Variants in NEDD4L observed in about 807,000 individuals in gnomAD.
The protein encoded by NEDD4L is E3 ubiquitin-protein ligase NEDD4-like.
Under a neutral mutation model 148.9 loss-of-function variants are expected in NEDD4L, and 54 were observed. The observed-to-expected ratio is 0.36, with a 90% CI of 0.29 to 0.45. The LOEUF (loss-of-function observed/expected upper bound fraction) is 0.45, where lower values mean the gene tolerates loss of function less well. Among genes scored for constraint, NEDD4L ranks in the 20% least tolerant of loss-of-function variants. NEDD4L has a pLI of 1.00. For synonymous variants in NEDD4L, 433 were observed against 440.7 expected, an observed-to-expected ratio of 0.98 and a Z score of 0.22; for missense variants, 856 against 1,233.8, an observed-to-expected ratio of 0.69 and a Z score of 4.59.
At chr18:58,283,477 T>G (rs1388817836) in intron 5 of NEDD4L, among the ~76,000 whole-genome samples, 1 of 152,190 alleles carries the variant, frequency 6.6e-6, no homozygotes, top group Non-Finnish European at 1.5e-5. Context: ...CATTTCAGAT[T>G]GGGAAGTACA....
chr18:58,288,956 A>G (rs1186415245), intron 5 of NEDD4L, among the ~76,000 whole-genome samples: 1 of 152,234 alleles, frequency 6.6e-6, no homozygotes, highest in African/African-American at 2.4e-5. Context: ...TACACAGACA[A>G]AAGGAAAGGC....
intron 5 of NEDD4L, among the ~76,000 whole-genome samples, chr18:58,287,088 C>A (rs1473056200): frequency 6.7e-6 from 1 of 148,796 alleles, no homozygotes; most frequent in Non-Finnish European, 1.5e-5. Flanking sequence ...TAAAGCACTT[C>A]TTTTTCTTTT....
In NEDD4L at chr18:58,082,743, A is replaced by C. The variant is rs1030162760; in HGVS notation, c.48+38035A>C. 2.7e-5 allele frequency among the ~76,000 whole-genome samples: 4 copies of C among 149,976 alleles called. No individual in the cohort carries two copies. In the South Asian group the frequency reaches 8.5e-4, roughly 32 times the overall value. On this transcript the variant is annotated intron_variant, in intron 1 of 30. Transcript: ENST00000400345. ...GTGGAGGTTGCAGTGAGCTGAGATC[A>C]CACCACTGCACTCTGGCCTGGGTGA...
chr18:58,312,037 T>G (rs2057757405), intron 5 of NEDD4L, among the ~76,000 whole-genome samples: 1 of 152,188 alleles, frequency 6.6e-6, no homozygotes, highest in Non-Finnish European at 1.5e-5. Flanking sequence ...TTCATCAGTA[T>G]TTACCGCACA....
At chr18:58,076,447 A>G (rs1244532180) in intron 1 of NEDD4L, among the ~76,000 whole-genome samples, 1 of 152,216 alleles carries the variant, frequency 6.6e-6, no homozygotes, top group Non-Finnish European at 1.5e-5. Flanking sequence ...AAAAACTGAA[A>G]CAAAATTAGG....
At position 58,227,636 on chromosome 18, in the gene NEDD4L, C is replaced by T. The variant is rs1296138580; in HGVS notation, c.123-17791C>T. 5.3e-5 allele frequency among the ~76,000 whole-genome samples: 8 copies of T among 152,136 alleles called. No homozygotes were observed. In the East Asian group the frequency reaches 9.6e-4, roughly 18 times the overall value. ...GTCTGTCCACAAGGGATTAGCCTCG[C>T]GAAGTTCCTACTGTTGTTCATTGAC... On this transcript the variant is annotated intron_variant, in intron 2 of 30. Coordinates refer to ENST00000400345, the MANE Select transcript of NEDD4L (RefSeq NM_001144967.3).
chr18:58,331,567 A>G (rs563299020), intron 11 of NEDD4L, among the ~76,000 whole-genome samples: 50 of 152,384 alleles, frequency 3.3e-4, no homozygotes, highest in Middle Eastern at 3.4e-3. Context: ...CCTGAGCCCA[A>G]TGGAATCAGT....
In NEDD4L at chr18:58,341,707, C is replaced by T; in HGVS notation, c.1287C>T (p.Ala429=). The T allele has an allele frequency of 3.7e-6, 6 of 1,613,832 alleles. No individual in the cohort carries two copies. The highest frequency in any genetic ancestry group is 2.2e-5 in the East Asian group (1 of 44,886). Residue 429 remains alanine, a synonymous_variant, in exon 15 of 31, where the codon GCC becomes GCT. Transcript: ENST00000400345. ...QLAEDGASGS[A]TNSNNHLIEP... is the part of the protein sequence containing the mutation. ...CAGAAGATGGTGCGTCCGGATCAGC[C>T]ACAAACAGTAACAACCATCTAATCG...
At chr18:58,384,973 C>T (rs769606666) in intron 25 of NEDD4L, among the ~76,000 whole-genome samples, 3 of 152,210 alleles carry the variant, frequency 2.0e-5, no homozygotes, top group Non-Finnish European at 4.4e-5. Flanking sequence ...CATTCATCCT[C>T]TAAATTTTGG....
At chr18:58,280,395 A>C (rs1254567693) in intron 5 of NEDD4L, among the ~76,000 whole-genome samples, 1 of 152,116 alleles carries the variant, frequency 6.6e-6, no homozygotes, top group Non-Finnish European at 1.5e-5. Context: ...CCTGGTCAGG[A>C]GAGCTTTCTG....
chr18:58,269,887 G>A (rs2050777049), intron 5 of NEDD4L, among the ~76,000 whole-genome samples: 1 of 149,512 alleles, frequency 6.7e-6, no homozygotes, highest in Non-Finnish European at 1.5e-5. Context: ...AAATAAACTT[G>A]CATTCAAGCA....
chr18:58,175,792 C>T (rs1326662679), intron 2 of NEDD4L, among the ~76,000 whole-genome samples: 2 of 152,238 alleles, frequency 1.3e-5, no homozygotes, highest in African/African-American at 4.8e-5. Flanking sequence ...TCTTTACTCC[C>T]TAACAACCAC....
intron 1 of NEDD4L, among the ~76,000 whole-genome samples, chr18:58,151,622 G>GGGGTGTGTGTGT (rs1568290916): frequency 4.8e-4 from 29 of 61,014 alleles, no homozygotes; most frequent in African/African-American, 1.5e-3. Flanking sequence ...GCTGTGCCTG[G>GGGGTGTGTGTGT]ATATGTGTGT....
At chr18:58,045,566 C>G (rs1451983248) in intron 1 of NEDD4L, 1 of 154,684 alleles carries the variant, frequency 6.5e-6, no homozygotes, top group African/African-American at 2.4e-5. Context: ...AACAATCCTG[C>G]TAAATCACTG....
At chr18:58,289,052 A>G (rs1404037635) in intron 5 of NEDD4L, among the ~76,000 whole-genome samples, 1 of 152,224 alleles carries the variant, frequency 6.6e-6, no homozygotes, top group African/African-American at 2.4e-5. Flanking sequence ...CACAAAGTCA[A>G]TCTGCATATT....
chr18:58,109,060 T>C (rs1352142458), intron 1 of NEDD4L, among the ~76,000 whole-genome samples: 1 of 152,228 alleles, frequency 6.6e-6, no homozygotes, highest in Admixed American at 6.5e-5. Flanking sequence ...TATTTTTATT[T>C]AATAGAAAAC....
chr18:58,185,234 T>C (rs2039336378), intron 2 of NEDD4L, among the ~76,000 whole-genome samples: 1 of 152,128 alleles, frequency 6.6e-6, no homozygotes, highest in Non-Finnish European at 1.5e-5. Context: ...AGACTGTAGC[T>C]CACTTCCCTG....
chr18:58,155,286 G>A (rs1169612698), intron 1 of NEDD4L, among the ~76,000 whole-genome samples: 1 of 133,302 alleles, frequency 7.5e-6, no homozygotes, highest in Non-Finnish European at 1.6e-5. Context: ...AAAAAAGCGA[G>A]ACAATTTGAC....
At chr18:58,222,167 G>T (rs567299754) in intron 2 of NEDD4L, among the ~76,000 whole-genome samples, 2 of 152,322 alleles carry the variant, frequency 1.3e-5, no homozygotes, top group South Asian at 4.1e-4. Context: ...ATCACAGGTT[G>T]AGGAGGAAAG....
Sources: gnomAD v4.1 joint callset for allele counts (sites outside exome capture counted in the v4.1 genomes callset) on GRCh38, gnomAD v4.1.1 for gene constraint, MANE v1.5 for transcripts, NCBI Gene and HGNC (gene_info 2026-07-23, HGNC 2026-07-21) for gene names.